CLDN10: variants seen among roughly 807,000 people sequenced by gnomAD.
CLDN10 encodes the protein claudin 10, also known as claudin-10.
CLDN10 carries 15 observed loss-of-function variants against 22.9 expected under a neutral mutation model. The ratio of observed to expected loss-of-function variants is 0.65; its 90% CI spans 0.44 to 1.01. The LOEUF is 1.01. Ranked by LOEUF, CLDN10 falls within the 50% of genes least tolerant of loss-of-function variation. CLDN10 has a pLI of 0.00. For missense variants in CLDN10, 247 were observed against 287.8 expected (o/e 0.86, Z 1.03); for synonymous variants, 114 against 111.4 (o/e 1.02, Z -0.15).
intron 3 of CLDN10, among the ~76,000 whole-genome samples, chr13:95,575,602 TA>T (rs1231364110): frequency 6.6e-6 from 1 of 152,190 alleles, no homozygotes; most frequent in South Asian, 2.1e-4. Context: ...TGTGTGTGTG[TA>T]GACTGAGGGT....
Position 95,552,982 on chromosome 13 carries a change from C to T in CLDN10, c.220+9C>T, listed in dbSNP as rs779532016. On this transcript the variant is annotated intron_variant, in intron 1 of 4. Transcript: ENST00000299339. ...CATGCTGGCGCTGGACGGTCTGCAT[C>T]CCCGCGGCCCCCGCCCTCAGCCCTC... The T allele has an allele frequency of 4.3e-6, 7 of 1,612,878 alleles. No homozygotes were observed. In the South Asian group the frequency reaches 6.6e-5, roughly 15 times the overall value.
rs540845924 is a variant in CLDN10, at chr13:95,450,281, C to T, written c.214+16234C>T. Among the ~76,000 whole-genome samples, 5 of 152,312 alleles carry T rather than the reference C, an allele frequency of 3.3e-5. No individual in the cohort carries two copies. In the South Asian group the frequency reaches 1.0e-3, roughly 32 times the overall value. ...TTGTTGTTTGCTCCAACTCACAATT[C>T]TGGCTTTTCAAGACTGCTTTGAAAC... On this transcript the variant is annotated intron_variant, in intron 1 of 4. Transcript: ENST00000376873.
chr13:95,510,841 G>A (rs2043088774), intron 1 of CLDN10, among the ~76,000 whole-genome samples: 1 of 152,088 alleles, frequency 6.6e-6, no homozygotes, highest in African/African-American at 2.4e-5. Context: ...CAATGAACCA[G>A]TAAGTCTACA....
intron 1 of CLDN10, among the ~76,000 whole-genome samples, chr13:95,553,662 T>C (rs2043597394): frequency 6.6e-6 from 1 of 152,366 alleles, no homozygotes; most frequent in East Asian, 1.9e-4. Context: ...TAGGGAATCT[T>C]GGGCCGTGAG....
intron 1 of CLDN10, among the ~76,000 whole-genome samples, chr13:95,543,966 T>G (rs9525020): frequency 0.3 from 45,162 of 152,066 alleles, 7,536 homozygotes; most frequent in Admixed American, 0.37. Flanking sequence ...AAGATTATAC[T>G]CAAAAGAGCA....
chr13:95,517,348 G>A (rs572014324), intron 1 of CLDN10, among the ~76,000 whole-genome samples: 3 of 152,278 alleles, frequency 2.0e-5, no homozygotes, highest in Admixed American at 2.0e-4. Context: ...CAATGGGAGT[G>A]TGTTGGGGTA....
chr13:95,464,457 T>G (rs2042565453), intron 1 of CLDN10, among the ~76,000 whole-genome samples: 1 of 152,242 alleles, frequency 6.6e-6, no homozygotes, highest in African/African-American at 2.4e-5. Flanking sequence ...CTGCATAGTA[T>G]TCCATGGTGT....
chr13:95,547,029 T>C (rs1447406240), intron 1 of CLDN10, among the ~76,000 whole-genome samples: 1 of 150,348 alleles, frequency 6.7e-6, no homozygotes, highest in Non-Finnish European at 1.5e-5. Flanking sequence ...GAGCTGGGAC[T>C]ACAGGCGGCT....
chr13:95,492,084 G>T (rs9516589), intron 1 of CLDN10, among the ~76,000 whole-genome samples: 63,730 of 151,446 alleles, frequency 0.42, 14,466 homozygotes, highest in Non-Finnish European at 0.5. Context: ...GGGTATAATG[G>T]ACTCCGTGAG....
intron 1 of CLDN10, among the ~76,000 whole-genome samples, chr13:95,488,463 T>C (rs532478688): frequency 4.9e-4 from 75 of 152,158 alleles, no homozygotes; most frequent in African/African-American, 1.7e-3. Context: ...GGTGCATCCA[T>C]CACCCGAGCA....
chr13:95,445,700 G>A (rs920174942), intron 1 of CLDN10, among the ~76,000 whole-genome samples: 16 of 152,136 alleles, frequency 1.1e-4, no homozygotes, highest in South Asian at 6.2e-4. Flanking sequence ...ATGGGGTTTG[G>A]CCTTGAAACA....
chr13:95,465,912 T>C (rs1758577005), intron 1 of CLDN10, among the ~76,000 whole-genome samples: 1 of 152,244 alleles, frequency 6.6e-6, no homozygotes, highest in Non-Finnish European at 1.5e-5. Flanking sequence ...TCTACTGAGA[T>C]GATTGTGTGA....
chr13:95,565,287 C>T (rs1294376017), intron 3 of CLDN10, among the ~76,000 whole-genome samples: 1 of 152,174 alleles, frequency 6.6e-6, no homozygotes, highest in African/African-American at 2.4e-5. Flanking sequence ...CTTAGATAAA[C>T]CATTGCAAGT....
At chr13:95,552,164 G>A (rs2043573036), upstream of CLDN10, among the ~76,000 whole-genome samples, 1 of 152,242 alleles carries the variant, frequency 6.6e-6, no homozygotes, top group South Asian at 2.1e-4. Context: ...TTGAGGGCAA[G>A]GCCGGTTTCC....
At chr13:95,547,046 CTT>C (rs34873593) in intron 1 of CLDN10, among the ~76,000 whole-genome samples, 27 of 131,222 alleles carry the variant, frequency 2.1e-4, no homozygotes, top group African/African-American at 2.3e-4. Flanking sequence ...GGCTGGCTAA[CTT>C]TTTTTTTTTT....
At chr13:95,463,408 C>T (rs1461015581) in intron 1 of CLDN10, among the ~76,000 whole-genome samples, 1 of 138,118 alleles carries the variant, frequency 7.2e-6, no homozygotes, top group African/African-American at 2.7e-5. Context: ...TCATGGCTCA[C>T]TGTAGCCTGG....
intron 1 of CLDN10, among the ~76,000 whole-genome samples, chr13:95,434,457 C>A (rs9524972): frequency 0.38 from 50,220 of 131,220 alleles, 9,347 homozygotes; most frequent in East Asian, 0.6. Context: ...CTCTCTCTCT[C>A]TATATATATA....
chr13:95,539,592 G>A (rs2043438033), intron 1 of CLDN10, among the ~76,000 whole-genome samples: 1 of 152,160 alleles, frequency 6.6e-6, no homozygotes, highest in Non-Finnish European at 1.5e-5. Context: ...TTATTTAAGG[G>A]CTTGAATAAT....
At chr13:95,534,825 A>T (rs1230474558) in intron 1 of CLDN10, among the ~76,000 whole-genome samples, 2 of 152,158 alleles carry the variant, frequency 1.3e-5, no homozygotes, top group African/African-American at 4.8e-5. Context: ...AATAAACGGT[A>T]GCCAATCATG....
Sources: gnomAD v4.1 joint callset for allele counts (sites outside exome capture counted in the v4.1 genomes callset) on GRCh38, gnomAD v4.1.1 for gene constraint, MANE v1.5 for transcripts, NCBI Gene and HGNC (gene_info 2026-07-23, HGNC 2026-07-21) for gene names.